EVI5: variants seen among roughly 807,000 people sequenced by gnomAD.
EVI5 encodes ecotropic viral integration site 5.
A neutral mutation model predicts 112.0 loss-of-function variants in EVI5; 73 were observed. The observed-to-expected ratio is 0.65, with a 90% CI of 0.54 to 0.79. The LOEUF is 0.79. Among genes scored for constraint, EVI5 ranks in the 30% least tolerant of loss-of-function variants. The pLI is 0.00. For synonymous variants in EVI5, 305 were observed against 319.9 expected (o/e 0.95, Z 0.50); for missense variants, 900 against 968.8 (o/e 0.93, Z 0.94).
chr1:92,589,479 G>C (rs1372525586), intron 18 of EVI5, among the ~76,000 whole-genome samples: 1 of 152,182 alleles, frequency 6.6e-6, no homozygotes, highest in Non-Finnish European at 1.5e-5. Flanking sequence ...TCCTGTGCCT[G>C]GCTTGGAGGG....
intron 16 of EVI5, among the ~76,000 whole-genome samples, chr1:92,622,796 T>G (rs1654868865): frequency 6.6e-6 from 1 of 152,220 alleles, no homozygotes; most frequent in Non-Finnish European, 1.5e-5. Context: ...GCAATGGTAT[T>G]AAGCACAATA....
chr1:92,784,374 T>A, intron 1 of EVI5: 1 of 985,310 alleles, frequency 1.0e-6, no homozygotes, highest in Non-Finnish European at 1.2e-6. Context: ...ATCAGCAGCC[T>A]GGAGACACGC....
chr1:92,666,938 G>A (rs1665011953), intron 10 of EVI5, among the ~76,000 whole-genome samples: 1 of 152,120 alleles, frequency 6.6e-6, no homozygotes, highest in Admixed American at 6.5e-5. Context: ...ATATTCAAAT[G>A]TCAGTTGAAT....
intron 2 of EVI5, among the ~76,000 whole-genome samples, chr1:92,721,242 G>A (rs566917729): frequency 1.3e-5 from 2 of 152,258 alleles, no homozygotes; most frequent in African/African-American, 4.8e-5. Context: ...GTTTATTGCG[G>A]CACTATTCAC....
At chr1:92,545,632 A>T (rs539739615) in intron 19 of EVI5, among the ~76,000 whole-genome samples, 2 of 152,332 alleles carry the variant, frequency 1.3e-5, no homozygotes, top group East Asian at 3.9e-4. Context: ...ATTTTTAAAA[A>T]CACAATCAAG....
chr1:92,689,388 G>T (rs1271545529), intron 9 of EVI5, among the ~76,000 whole-genome samples: 1 of 151,914 alleles, frequency 6.6e-6, no homozygotes, highest in African/African-American at 2.4e-5. Context: ...TTTTAGACAG[G>T]GTCTCACTCT....
chr1:92,661,115 C>G (rs1663929371), intron 13 of EVI5, among the ~76,000 whole-genome samples: 1 of 151,894 alleles, frequency 6.6e-6, no homozygotes, highest in South Asian at 2.1e-4. Context: ...ATCCAAAGCT[C>G]TTTATATCAT....
Position 92,605,327 on chromosome 1 carries a change from T to C in EVI5, c.2050A>G (p.Ile684Val), listed in dbSNP as rs778859723. The change falls in exon 18 of 20, where the codon ATT becomes GTT. Residue 684 changes from isoleucine (I) to valine (V), a missense_variant. Ile to Val is a conservative substitution (Grantham distance 29). Coordinates refer to ENST00000684568, the MANE Select transcript of EVI5 (RefSeq NM_001350197.2). ...IAAVAELRQHIAELEIQKEEG... is the reference protein window; with the variant it reads ...IAAVAELRQHVAELEIQKEEG... ...GGTACCTGGATTTCAAGCTCAGCAA[T>C]GTGTTGTCGTAGTTCAGCCACAGCA... The C allele has an allele frequency of 6.2e-6, 10 of 1,611,076 alleles. No homozygotes were observed. The highest frequency in any genetic ancestry group is 3.3e-5 in the Admixed American group (2 of 59,946).
chr1:92,629,739 A>G (rs1225634441), intron 14 of EVI5, among the ~76,000 whole-genome samples: 1 of 152,010 alleles, frequency 6.6e-6, no homozygotes, highest in African/African-American at 2.4e-5. Flanking sequence ...ATATACATAC[A>G]TGTGCCATGT....
At chr1:92,634,047 A>T (rs1658130271) in intron 14 of EVI5, among the ~76,000 whole-genome samples, 1 of 152,182 alleles carries the variant, frequency 6.6e-6, no homozygotes, top group South Asian at 2.1e-4. Flanking sequence ...CTGAGAGATC[A>T]GCTGTTAGTC....
At chr1:92,573,764 C>G (rs2101013434) in intron 18 of EVI5, among the ~76,000 whole-genome samples, 1 of 152,108 alleles carries the variant, frequency 6.6e-6, no homozygotes, top group Admixed American at 6.6e-5. Context: ...TTGGTTAACC[C>G]AGCTCTCAAG....
rs773027050 is a variant in EVI5, at chr1:92,549,722, TA to T, written c.2166+13919del. Among the ~76,000 whole-genome samples, 13 of 152,302 alleles carry T rather than the reference TA, an allele frequency of 8.5e-5. No individual in the cohort carries two copies. In the East Asian group the frequency reaches 1.9e-3, roughly 23 times the overall value. On this transcript the variant is annotated intron_variant, in intron 19 of 19. Transcript: ENST00000684568. ...CAGACACTTCTCAAAAGGAGACATT[TA>T]TGCAGCCAACAGACACATGAAAAAA... is the stretch of plus-strand genomic sequence containing the variant.
At chr1:92,630,364 C>A (rs1207304949) in intron 14 of EVI5, among the ~76,000 whole-genome samples, 1 of 152,200 alleles carries the variant, frequency 6.6e-6, no homozygotes, top group African/African-American at 2.4e-5. Context: ...ACCATTCTAA[C>A]TGGTATGAGA....
chr1:92,784,789 G>A (rs1470774102), intron 1 of EVI5, 47 bp downstream of exon 1: 5 of 981,078 alleles, frequency 5.1e-6, no homozygotes, highest in Non-Finnish European at 6.1e-6. Flanking sequence ...CGGACTCACC[G>A]CCCGCCCGGC....
At chr1:92,730,810 C>T (rs1676343376) in intron 2 of EVI5, among the ~76,000 whole-genome samples, 1 of 152,072 alleles carries the variant, frequency 6.6e-6, no homozygotes, top group East Asian at 1.9e-4. Flanking sequence ...CTGTTCACCA[C>T]TTCCATTCAA....
chr1:92,604,173 G>T (rs114733346), intron 18 of EVI5, among the ~76,000 whole-genome samples: 1 of 151,210 alleles, frequency 6.6e-6, no homozygotes. Context: ...AGCAAAGGGA[G>T]ACCTCATTGC....
At chr1:92,537,683 A>C (rs1459356766) in intron 19 of EVI5, among the ~76,000 whole-genome samples, 2 of 152,138 alleles carry the variant, frequency 1.3e-5, no homozygotes, top group African/African-American at 4.8e-5. Flanking sequence ...TGATTTCCAG[A>C]GAATCAGAAC....
At chr1:92,569,413 C>T (rs1378174164) in intron 18 of EVI5, among the ~76,000 whole-genome samples, 2 of 152,090 alleles carry the variant, frequency 1.3e-5, no homozygotes, top group African/African-American at 4.8e-5. Context: ...TAAATGGGAA[C>T]TACAATATAT....
intron 19 of EVI5, among the ~76,000 whole-genome samples, chr1:92,562,578 A>G (rs1456378424): frequency 1.3e-5 from 2 of 152,222 alleles, no homozygotes; most frequent in African/African-American, 4.8e-5. Context: ...GATTATATGT[A>G]AGATCCTGAA....
Sources: allele counts gnomAD v4.1 joint callset (sites outside exome capture counted in the v4.1 genomes callset), GRCh38; gene constraint gnomAD v4.1.1; transcripts MANE v1.5; gene names NCBI Gene and HGNC (gene_info 2026-07-23, HGNC 2026-07-21).